Variants in ATP6V1C2 observed in about 807,000 individuals in gnomAD.
ATP6V1C2 encodes ATPase H+ transporting V1 subunit C2, also known as V-type proton ATPase subunit C 2.
In ATP6V1C2, 45 loss-of-function variants were observed where a neutral mutation model predicts 56.8. The ratio of observed to expected loss-of-function variants is 0.79; its 90% CI spans 0.62 to 1.02. The LOEUF (loss-of-function observed/expected upper bound fraction) is 1.02, where lower values mean the gene tolerates loss of function less well. Ranked by LOEUF, ATP6V1C2 falls within the 50% of genes least tolerant of loss-of-function variation. The probability of loss-of-function intolerance (pLI) is 0.00; values close to 1 mark genes in which losing one functional copy is unlikely to be tolerated. For synonymous variants in ATP6V1C2, 220 were observed against 201.3 expected (o/e 1.09, Z -0.79); for missense variants, 463 against 519.7 (o/e 0.89, Z 1.06).
chr2:10,724,160 A>G (rs1661512958), intron 2 of ATP6V1C2, among the ~76,000 whole-genome samples: 2 of 152,208 alleles, frequency 1.3e-5, no homozygotes, highest in South Asian at 4.1e-4. Flanking sequence ...CCCAGACCAC[A>G]TGGCACAGGT....
chr2:10,778,804 C>T, intron 12 of ATP6V1C2, 135 bp downstream of exon 12: 1 of 799,852 alleles, frequency 1.3e-6, no homozygotes, highest in South Asian at 1.6e-5. Flanking sequence ...CTGTTGGCAA[C>T]ACGCTCAATT....
chr2:10,722,448 C>A (rs1661419140), intron 1 of ATP6V1C2, among the ~76,000 whole-genome samples: 1 of 152,208 alleles, frequency 6.6e-6, no homozygotes, highest in Admixed American at 6.5e-5. Context: ...CCACCCCATC[C>A]TGCATCCCAG....
At chr2:10,754,371 A>G (rs1018529268) in intron 4 of ATP6V1C2, among the ~76,000 whole-genome samples, 7 of 150,488 alleles carry the variant, frequency 4.7e-5, no homozygotes, top group Admixed American at 2.0e-4. Context: ...GACTACAGGC[A>G]CCCACCGCCA....
intron 3 of ATP6V1C2, among the ~76,000 whole-genome samples, chr2:10,730,225 C>G (rs1267699800): frequency 6.6e-6 from 1 of 152,146 alleles, no homozygotes; most frequent in Non-Finnish European, 1.5e-5. Flanking sequence ...AAGTGATTCT[C>G]CTGCTTCAGT....
At chr2:10,768,635 A>G in intron 5 of ATP6V1C2, 84 bp from the exon 6 acceptor site, 16 of 1,077,346 alleles carry the variant, frequency 1.5e-5, no homozygotes, top group East Asian at 2.4e-5. Flanking sequence ...TGAAAGCACC[A>G]TGAGCTGTTG....
At position 10,726,501 on chromosome 2, in the gene ATP6V1C2, G is replaced by A. The variant is rs183059615; in HGVS notation, c.130-1G>A. The stretch of plus-strand genomic sequence containing the variant: ...CTCTGACGTTTTTATGATCTGTCTA[G>A]GTGGGGACCTTGGATTCCCTGGTTG... On this transcript the variant is annotated splice_acceptor_variant, in intron 2 of 13. Transcript: ENST00000272238. LOFTEE classifies it high-confidence loss of function. 5 of 1,613,794 alleles carry A rather than the reference G, an allele frequency of 3.1e-6. No homozygotes were observed. In the African/African-American group the frequency reaches 4.0e-5, roughly 13 times the overall value.
chr2:10,760,344 C>T (rs2148472266), intron 4 of ATP6V1C2, among the ~76,000 whole-genome samples: 1 of 151,704 alleles, frequency 6.6e-6, no homozygotes, highest in East Asian at 1.9e-4. Context: ...GCACTCCAGC[C>T]TGGGCGACAG....
At chr2:10,729,897 C>T (rs1661860204) in intron 3 of ATP6V1C2, among the ~76,000 whole-genome samples, 1 of 152,138 alleles carries the variant, frequency 6.6e-6, no homozygotes, top group Admixed American at 6.6e-5. Context: ...TGGGTGGTGG[C>T]CTGCTGGGCT....
In ATP6V1C2 at chr2:10,784,770, A is replaced by G. The variant is rs1572641581; in HGVS notation, c.*1507A>G. 1.7e-6 allele frequency: 1 copy of G among 584,260 alleles called. No homozygotes were observed. The highest frequency in any genetic ancestry group is 1.9e-5 in the African/African-American group (1 of 53,234). 36.2% of individuals were successfully genotyped at this position (584,260 alleles called of 1,614,324 possible). Reference sequence around the variant, plus strand: ...ATGCCATGCAGCACTTAAACTTGTGATAAGGAAGATGAAGGGTCTTCAGAG... The same window carrying G: ...ATGCCATGCAGCACTTAAACTTGTGGTAAGGAAGATGAAGGGTCTTCAGAG... On this transcript the variant is annotated 3_prime_UTR_variant, in exon 14 of 14. Coordinates refer to ENST00000272238, the MANE Select transcript of ATP6V1C2 (RefSeq NM_001039362.2).
At chr2:10,738,898 C>G (rs1247339626) in intron 3 of ATP6V1C2, among the ~76,000 whole-genome samples, 2 of 152,200 alleles carry the variant, frequency 1.3e-5, no homozygotes, top group African/African-American at 2.4e-5. Context: ...GGCTCCACCT[C>G]CAAAATCTGT....
intron 12 of ATP6V1C2, among the ~76,000 whole-genome samples, chr2:10,779,350 T>C (rs1665199252): frequency 6.7e-6 from 1 of 148,654 alleles, no homozygotes; most frequent in Non-Finnish European, 1.5e-5. Context: ...CCTCAGATGA[T>C]CCGCCCACCT....
At chr2:10,772,491 C>A in intron 7 of ATP6V1C2, 51 bp from the exon 8 acceptor site, 1 of 1,501,076 alleles carries the variant, frequency 6.7e-7, no homozygotes, top group Non-Finnish European at 9.3e-7. Context: ...ACTCAGGACA[C>A]CCACGAGCCT....
At chr2:10,773,013 G>C (rs543394188) in intron 8 of ATP6V1C2, among the ~76,000 whole-genome samples, 1 of 152,340 alleles carries the variant, frequency 6.6e-6, no homozygotes, top group South Asian at 2.1e-4. Flanking sequence ...AGCGGCCTCA[G>C]CGTGTGGCCT....
chr2:10,766,310 G>A (rs978723153), intron 5 of ATP6V1C2, among the ~76,000 whole-genome samples: 2 of 152,172 alleles, frequency 1.3e-5, no homozygotes, highest in South Asian at 2.1e-4. Flanking sequence ...CTCTGCCAAC[G>A]AGAGGTCTCA....
At chr2:10,726,998 G>A (rs2148406813) in intron 3 of ATP6V1C2, among the ~76,000 whole-genome samples, 1 of 152,034 alleles carries the variant, frequency 6.6e-6, no homozygotes, top group South Asian at 2.1e-4. Context: ...ACTCGCTTGA[G>A]CCCAGGAGTT....
chr2:10,731,450 C>T (rs1246726884), intron 3 of ATP6V1C2, among the ~76,000 whole-genome samples: 1 of 152,206 alleles, frequency 6.6e-6, no homozygotes, highest in Non-Finnish European at 1.5e-5. Context: ...CTTCTCTGCA[C>T]CACAGGGAGG....
At chr2:10,750,117 G>A (rs1480540267) in intron 3 of ATP6V1C2, among the ~76,000 whole-genome samples, 1 of 152,226 alleles carries the variant, frequency 6.6e-6, no homozygotes, top group Non-Finnish European at 1.5e-5. Context: ...TTTGCGTTAT[G>A]TGGAACCAGG....
At chr2:10,771,591 G>A (rs532304643) in intron 6 of ATP6V1C2, among the ~76,000 whole-genome samples, 4 of 152,320 alleles carry the variant, frequency 2.6e-5, no homozygotes, top group South Asian at 2.1e-4. Context: ...GATAGCACCC[G>A]AGGCCCTGCC....
rs748562208 is a variant in ATP6V1C2 at position 10,775,000 on chromosome 2, TATG to T, written c.759_761del (p.Asp253del). ...AAGGTTCACTGTTCGTGAATTTTAC[TATG>T]ATGAGAAGGAAATTGAAAGGGAAAG... is the stretch of plus-strand genomic sequence containing the variant. On this transcript the variant is annotated inframe_deletion, in exon 10 of 14. Coordinates refer to ENST00000272238, the MANE Select transcript of ATP6V1C2 (RefSeq NM_001039362.2). 4 of 1,614,132 alleles carry T rather than the reference TATG, an allele frequency of 2.5e-6. No individual in the cohort carries two copies. Among genetic ancestry groups the T allele is most frequent in the Non-Finnish European group, 3.4e-6 (4 of 1,180,010 alleles).
Sources: allele counts gnomAD v4.1 joint callset (sites outside exome capture counted in the v4.1 genomes callset), GRCh38; gene constraint gnomAD v4.1.1; transcripts MANE v1.5; gene names NCBI Gene and HGNC (gene_info 2026-07-23, HGNC 2026-07-21).